Variants in GPSM1 observed in about 807,000 individuals in gnomAD.
The protein encoded by GPSM1 is G protein-signaling modulator 1.
GPSM1 carries 48 observed loss-of-function variants against 70.5 expected under a neutral mutation model. That is an observed-to-expected ratio of 0.68 (90% CI 0.54 to 0.87). The LOEUF (loss-of-function observed/expected upper bound fraction) is 0.87, where lower values mean the gene tolerates loss of function less well. Ranked by LOEUF, GPSM1 falls within the 40% of genes least tolerant of loss-of-function variation. The probability of loss-of-function intolerance (pLI) is 0.00; values close to 1 mark genes in which losing one functional copy is unlikely to be tolerated. For missense variants in GPSM1, 981 were observed against 972.6 expected, an observed-to-expected ratio of 1.01 and a Z score of -0.11; for synonymous variants, 416 against 430.1, an observed-to-expected ratio of 0.97 and a Z score of 0.41.
chr9:136,357,639 G>A (rs782345315), intron 13 of GPSM1, among the ~76,000 whole-genome samples: 5 of 152,216 alleles, frequency 3.3e-5, no homozygotes, highest in African/African-American at 4.8e-5. Flanking sequence ...TTCCAGGGCT[G>A]GGCAGAGGGA....
rs114734477 is a variant in GPSM1 at position 136,331,632 on chromosome 9, G to A, written c.69-2815G>A. ...GTGCCTGGCGCTCCCGAGTGAGCCC[G>A]GTCCTGGGGCAGAGCAGCCCCCGCT... On this transcript the variant is annotated intron_variant, in intron 1 of 13. Transcript: ENST00000440944. Among the ~76,000 whole-genome samples the A allele has an allele frequency of 4.7e-3, 710 of 152,314 alleles. 10 individuals are homozygous for A. The highest frequency in any genetic ancestry group is 0.016 in the African/African-American group (672 of 41,560).
chr9:136,347,143 G>A lies in GPSM1; in HGVS notation c.1208-1554G>A, dbSNP rs112074109. Among the ~76,000 whole-genome samples, 343 of 152,266 alleles carry A rather than the reference G, an allele frequency of 2.3e-3. 1 individual carries two copies. Among genetic ancestry groups the A allele is most frequent in the African/African-American group, 7.6e-3 (315 of 41,548 alleles). On this transcript the variant is annotated intron_variant, in intron 9 of 13. Coordinates refer to ENST00000440944, the MANE Select transcript of GPSM1 (RefSeq NM_001145638.3). Reference sequence around the variant, plus strand: ...CACTTTAGGAGCTGAGCCTCTCGGGGGGATGAGTGCGGAGGGGAACTGCCC... The same window carrying A: ...CACTTTAGGAGCTGAGCCTCTCGGGAGGATGAGTGCGGAGGGGAACTGCCC...
At chr9:136,348,891 C>A in intron 10 of GPSM1, 124 bp downstream of exon 10, 1 of 712,640 alleles carries the variant, frequency 1.4e-6, no homozygotes. Context: ...AATGTGCCCT[C>A]CTCGGCCTGA....
chr9:136,354,700 G>A (rs893332560), intron 11 of GPSM1: 3 of 476,700 alleles, frequency 6.3e-6, no homozygotes, highest in Non-Finnish European at 8.2e-6. Context: ...CCCTTGGGGG[G>A]CCACAGGAGA....
chr9:136,353,438 G>A (rs1832725177), intron 11 of GPSM1, among the ~76,000 whole-genome samples: 1 of 152,208 alleles, frequency 6.6e-6, no homozygotes, highest in Admixed American at 6.5e-5. Context: ...TGCAGGGGAA[G>A]GTGGCCTTGG....
chr9:136,337,755 C>T (rs769812387), intron 5 of GPSM1, 91 bp from the exon 6 acceptor site: 431 of 1,112,900 alleles, frequency 3.9e-4, no homozygotes, highest in Middle Eastern at 4.4e-4. Context: ...GATCTCTGGC[C>T]GGCCACCTGG....
chr9:136,336,893 T>A (rs1554769311), intron 3 of GPSM1, 28 bp from the exon 4 acceptor site: 1 of 1,541,118 alleles, frequency 6.5e-7, no homozygotes, highest in African/African-American at 1.4e-5. Context: ...CGTGGAGGCA[T>A]GCCCCCAACC....
At chr9:136,350,210 C>T (rs1234425983) in intron 11 of GPSM1, among the ~76,000 whole-genome samples, 1 of 152,244 alleles carries the variant, frequency 6.6e-6, no homozygotes, top group Admixed American at 6.5e-5. Flanking sequence ...AACTGGCTGC[C>T]TTCACTGTGA....
At chr9:136,352,983 C>A in intron 11 of GPSM1, 1 of 562,074 alleles carries the variant, frequency 1.8e-6, no homozygotes, top group Non-Finnish European at 2.3e-6. Flanking sequence ...GCTAGGAGGG[C>A]CGAGCCCTTG....
chr9:136,339,679 G>A (rs1037434117), intron 7 of GPSM1, 28 bp from the exon 8 acceptor site: 41 of 1,443,600 alleles, frequency 2.8e-5, no homozygotes, highest in Admixed American at 3.9e-5. Flanking sequence ...GAGAGGGCGG[G>A]TATGAATCTG....
intron 10 of GPSM1, among the ~76,000 whole-genome samples, chr9:136,349,228 C>T (rs1450058137): frequency 6.6e-6 from 1 of 152,276 alleles, no homozygotes; most frequent in African/African-American, 2.4e-5. Context: ...GCTGTGTGGC[C>T]TGGGCCAGCA....
At chr9:136,335,115 C>T (rs1225706009) in intron 2 of GPSM1, among the ~76,000 whole-genome samples, 2 of 152,134 alleles carry the variant, frequency 1.3e-5, no homozygotes, top group Non-Finnish European at 2.9e-5. Flanking sequence ...CGTGAGCACT[C>T]GTGACTGTGT....
chr9:136,327,639 G>T lies in GPSM1; in HGVS notation c.-57G>T. On this transcript the variant is annotated 5_prime_UTR_variant, in exon 1 of 14. Transcript: ENST00000440944. ...AGGGAGGACAGCAGGGCGGGCAGGG[G>T]GCGGACGGCCACGGCGCGGGGGGCG... 1 of 458,930 alleles carries T rather than the reference G, an allele frequency of 2.2e-6. No homozygotes were observed. The highest frequency in any genetic ancestry group is 3.0e-6 in the Non-Finnish European group (1 of 334,984). 28.4% of individuals were successfully genotyped at this position (458,930 alleles called of 1,614,324 possible).
Position 136,356,570 on chromosome 9 carries a change from G to A in GPSM1, c.1821+20G>A, listed in dbSNP as rs183652358. On this transcript the variant is annotated intron_variant, in intron 13 of 13. Transcript: ENST00000440944. ...TACCAGGTGGGCTGCGGCCCTGGGCGGGCGTGGCTCGCGGCCCCTTTGCCA... is the reference window on the plus strand; with the variant it reads ...TACCAGGTGGGCTGCGGCCCTGGGCAGGCGTGGCTCGCGGCCCCTTTGCCA... 394 of 1,579,048 alleles carry A rather than the reference G, an allele frequency of 2.5e-4. 3 individuals carry two copies. In the East Asian group the frequency reaches 4.1e-3, roughly 16 times the overall value.
intron 11 of GPSM1, chr9:136,354,864 G>C: frequency 9.9e-7 from 1 of 1,010,072 alleles, no homozygotes; most frequent in Non-Finnish European, 1.2e-6. Context: ...GGTGTGGTGG[G>C]CACAGGGACA....
In GPSM1 at chr9:136,334,689, T is replaced by C. The variant is rs781993998; in HGVS notation, c.290+21T>C. The C allele has an allele frequency of 1.2e-5, 19 of 1,591,736 alleles. No homozygotes were observed. In the East Asian group the frequency reaches 4.0e-4, roughly 34 times the overall value. On this transcript the variant is annotated intron_variant, in intron 2 of 13. Coordinates refer to ENST00000440944, the MANE Select transcript of GPSM1 (RefSeq NM_001145638.3). ...GCGCGGTGAGTGGGGACGGTCCTGC[T>C]GGCGGGTGAGTGGGGCGGCCCTGCT...
chr9:136,356,346 G>C lies in GPSM1; in HGVS notation c.1617G>C (p.Gln539His). The C allele has an allele frequency of 6.3e-7, 1 of 1,583,530 alleles. No individual in the cohort carries two copies. The highest frequency in any genetic ancestry group is 1.3e-5 in the African/African-American group (1 of 74,236). ...AAPTLEDRIA[Q>H]PSMTASPQTE... ...TCACCCTCTGGCCCCCCGCAGCCCA[G>C]CCCTCGATGACGGCCTCGCCCCAGA... Residue 539 changes from glutamine to histidine, a missense_variant, in exon 13 of 14, where the codon CAG becomes CAC. Transcript: ENST00000440944.
chr9:136,337,536 TCA>T lies in GPSM1; in HGVS notation c.677_678del (p.Thr226ArgfsTer14). On this transcript the variant is annotated frameshift_variant, in exon 5 of 14. Transcript: ENST00000440944. LOFTEE classifies it high-confidence loss of function. ...AACACCCACTATTTGTTGGGGAACT[TCA>T]CAGAGGCCACGACCTTCCACAAGGA... 6.4e-7 allele frequency: 1 copy of T among 1,559,878 alleles called. No homozygotes were observed. The highest frequency in any genetic ancestry group is 1.9e-5 in the Admixed American group (1 of 51,830).
intron 13 of GPSM1, among the ~76,000 whole-genome samples, chr9:136,357,237 G>A (rs1186184381): frequency 6.6e-6 from 1 of 152,170 alleles, no homozygotes; most frequent in Non-Finnish European, 1.5e-5. Flanking sequence ...AGGGGTTCAG[G>A]GTCCGTAGAC....
Sources: allele counts gnomAD v4.1 joint callset (sites outside exome capture counted in the v4.1 genomes callset), GRCh38; gene constraint gnomAD v4.1.1; transcripts MANE v1.5; gene names NCBI Gene and HGNC (gene_info 2026-07-23, HGNC 2026-07-21).